The following DOCK3 variants were observed in gnomAD, a reference collection of about 807,000 sequenced individuals.
DOCK3 encodes the protein dedicator of cytokinesis 3.
DOCK3 carries 60 observed loss-of-function variants against 265.6 expected under a neutral mutation model. The observed-to-expected ratio is 0.23, with a 90% CI of 0.18 to 0.28. The LOEUF (loss-of-function observed/expected upper bound fraction) is 0.28, where lower values mean the gene tolerates loss of function less well. DOCK3 is among the 10% of genes least tolerant of loss of function. DOCK3 has a pLI of 1.00. For synonymous variants in DOCK3, 881 were observed against 938.0 expected, an observed-to-expected ratio of 0.94 and a Z score of 1.11; for missense variants, 1,981 against 2,594.3, an observed-to-expected ratio of 0.76 and a Z score of 5.14.
intron 27 of DOCK3, among the ~76,000 whole-genome samples, chr3:51,310,012 C>A (rs943342005): frequency 6.6e-6 from 1 of 152,178 alleles, no homozygotes; most frequent in African/African-American, 2.4e-5. Flanking sequence ...ATAGAGCTAC[C>A]TCTGTTCTGC....
At chr3:50,877,295 A>G in intron 3 of DOCK3, 1 of 367,410 alleles carries the variant, frequency 2.7e-6, no homozygotes, top group Admixed American at 3.7e-5. Context: ...TTTCTATTCA[A>G]CCTTTTTCTA....
chr3:50,996,516 C>CAAAAA (rs2078290600), intron 5 of DOCK3, among the ~76,000 whole-genome samples: 1 of 152,104 alleles, frequency 6.6e-6, no homozygotes, highest in Non-Finnish European at 1.5e-5. Flanking sequence ...AGTGCCCGGC[C>CAAAAA]TTTTCTTAAC....
In DOCK3 at chr3:50,675,055, C is replaced by T; in HGVS notation, c.-209C>T. 1 of 169,354 alleles carries T rather than the reference C, an allele frequency of 5.9e-6. No individual in the cohort carries two copies. Among genetic ancestry groups the T allele is most frequent in the African/African-American group, 2.4e-5 (1 of 41,558 alleles). The allele number at this position is 169,354 out of a possible 1,614,324, so 10.5% of individuals were successfully genotyped here. On this transcript the variant is annotated 5_prime_UTR_variant, in exon 1 of 53. Transcript: ENST00000266037. This position sits in a 1 kb window ranked among gnomAD's most constrained non-coding sequence, Gnocchi z 6.1. ...GAGCCTTCGCCCGCGCCGCCAGGGG[C>T]TGCTGGGCCACCCGCGGAGCCTCGC...
chr3:51,258,121 C>T (rs1037576945), intron 22 of DOCK3, among the ~76,000 whole-genome samples: 3 of 152,216 alleles, frequency 2.0e-5, no homozygotes, highest in African/African-American at 7.2e-5. Context: ...CAAGTCACTT[C>T]GCTGTCTGGT....
chr3:50,998,259 A>T (rs1311755551), intron 5 of DOCK3, among the ~76,000 whole-genome samples: 1 of 152,198 alleles, frequency 6.6e-6, no homozygotes, highest in Non-Finnish European at 1.5e-5. Flanking sequence ...TGTACTCCAG[A>T]CCTGGGACTT....
intron 27 of DOCK3, among the ~76,000 whole-genome samples, chr3:51,301,620 T>C (rs2082364450): frequency 1.3e-5 from 2 of 152,194 alleles, no homozygotes; most frequent in South Asian, 2.1e-4. Context: ...TTTGTTCCCA[T>C]TGGTTTCAAA....
rs1553618486 is a variant in DOCK3 at position 51,381,263 on chromosome 3, C to T, written c.5797C>T (p.Leu1933Phe). ...TGACGAAGATCTTGAGCCACCCTAC[C>T]TCCCTGTCCACTACAGCCTCTCTGA... is the stretch of plus-strand genomic sequence containing the variant. Reference protein sequence around the residue: ...NADEDLEPPYLPVHYSLSESA... With the variant: ...NADEDLEPPYFPVHYSLSESA... The change falls in exon 53 of 53, where the codon CTC becomes TTC. Residue 1933 changes from leucine (L) to phenylalanine (F), a missense_variant. Physicochemically the swap from Leu to Phe is conservative, Grantham distance 22. This residue lies in a region of DOCK3 where 149 missense variants were observed against 144.7 expected (regional missense o/e 1.03). Transcript: ENST00000266037. The surrounding 1 kb of genome is among the most constrained non-coding windows in gnomAD (Gnocchi z 5.6). The T allele has an allele frequency of 6.2e-7, 1 of 1,613,880 alleles. No individual in the cohort carries two copies. Among genetic ancestry groups the T allele is most frequent in the Non-Finnish European group, 8.5e-7 (1 of 1,179,868 alleles).
At chr3:51,027,884 A>G (rs1308173357) in intron 5 of DOCK3, among the ~76,000 whole-genome samples, 1 of 148,490 alleles carries the variant, frequency 6.7e-6, no homozygotes, top group African/African-American at 2.5e-5. Flanking sequence ...TTTTTTTTTC[A>G]TCCAATTTGC....
chr3:51,109,192 C>A (rs2083412988), intron 9 of DOCK3, among the ~76,000 whole-genome samples: 2 of 152,210 alleles, frequency 1.3e-5, no homozygotes, highest in Admixed American at 1.3e-4. Context: ...AACCACAGAG[C>A]AATAAAAATA....
chr3:51,055,047 T>C (rs1038629763), intron 5 of DOCK3, among the ~76,000 whole-genome samples: 1 of 152,174 alleles, frequency 6.6e-6, no homozygotes, highest in African/African-American at 2.4e-5. Context: ...GCTCTGTGAA[T>C]TGGGCTAGTA....
At chr3:50,858,851 C>G (rs1269350232) in intron 3 of DOCK3, among the ~76,000 whole-genome samples, 1 of 151,980 alleles carries the variant, frequency 6.6e-6, no homozygotes, top group Non-Finnish European at 1.5e-5. Context: ...TTGTTCATTT[C>G]TTTTTATTCT....
intron 27 of DOCK3, 85 bp downstream of exon 27, chr3:51,280,289 T>C: frequency 7.9e-7 from 1 of 1,258,720 alleles, no homozygotes; most frequent in South Asian, 1.4e-5. Context: ...GGGGGATGAA[T>C]GCAAGTGACT....
At chr3:51,221,878 C>T (rs1052461219) in intron 14 of DOCK3, among the ~76,000 whole-genome samples, 1 of 152,144 alleles carries the variant, frequency 6.6e-6, no homozygotes, top group Non-Finnish European at 1.5e-5. Flanking sequence ...AAAGACTCAC[C>T]CTCTCAGCAC....
chr3:51,139,262 G>GGGC (rs1553769315), intron 9 of DOCK3, among the ~76,000 whole-genome samples: 10 of 139,474 alleles, frequency 7.2e-5, no homozygotes, highest in African/African-American at 3.2e-4. Context: ...AGTGGGGGGA[G>GGGC]GGCTAAGATG....
At chr3:51,163,158 T>G (rs2086216682) in intron 12 of DOCK3, among the ~76,000 whole-genome samples, 1 of 152,262 alleles carries the variant, frequency 6.6e-6, no homozygotes, top group Non-Finnish European at 1.5e-5. Context: ...TTGCTATTGA[T>G]AGTTCTTTAG....
chr3:51,011,856 G>A (rs1218500639), intron 5 of DOCK3, among the ~76,000 whole-genome samples: 1 of 152,182 alleles, frequency 6.6e-6, no homozygotes, highest in African/African-American at 2.4e-5. Flanking sequence ...AGGTTCCTGA[G>A]CTGCAGGTCA....
chr3:51,159,506 T>C (rs1314735914), intron 11 of DOCK3, among the ~76,000 whole-genome samples: 1 of 151,918 alleles, frequency 6.6e-6, no homozygotes, highest in East Asian at 1.9e-4. Flanking sequence ...GGGGGGTGGG[T>C]TTTGTTTGTG....
At chr3:51,218,059 A>T (rs1056168516) in intron 14 of DOCK3, among the ~76,000 whole-genome samples, 1 of 152,124 alleles carries the variant, frequency 6.6e-6, no homozygotes, top group Admixed American at 6.5e-5. Flanking sequence ...CGGAGGTTGC[A>T]GTGAGCCAAG....
At chr3:50,806,727 G>C (rs1299883898) in intron 2 of DOCK3, among the ~76,000 whole-genome samples, 2 of 151,976 alleles carry the variant, frequency 1.3e-5, no homozygotes. Flanking sequence ...AATGAAGATG[G>C]AGCCCCATTG....
Sources: allele counts gnomAD v4.1 joint callset (sites outside exome capture counted in the v4.1 genomes callset), GRCh38; gene constraint gnomAD v4.1.1; regional missense constraint gnomAD v4.1.1; non-coding constraint Gnocchi (gnomAD v3.1); transcripts MANE v1.5; gene names NCBI Gene and HGNC (gene_info 2026-07-23, HGNC 2026-07-21).